The following CIITA variants were observed in gnomAD, a reference collection of about 807,000 sequenced individuals.
The protein encoded by CIITA is MHC class II transactivator.
In CIITA, 72 loss-of-function variants were observed where a neutral mutation model predicts 115.1. The observed-to-expected ratio is 0.63, with a 90% confidence interval of 0.52 to 0.76. The LOEUF (loss-of-function observed/expected upper bound fraction) is 0.76. Ranked by LOEUF, CIITA falls within the 30% of genes least tolerant of loss-of-function variation. CIITA has a pLI of 0.00. For missense variants in CIITA, 1,617 were observed against 1,463.8 expected (o/e 1.10, Z -1.71); for synonymous variants, 763 against 635.6 (o/e 1.20, Z -3.02).
At chr16:10,883,969 T>G (rs1250654310) in intron 1 of CIITA, among the ~76,000 whole-genome samples, 1 of 152,198 alleles carries the variant, frequency 6.6e-6, no homozygotes, top group East Asian at 1.9e-4. Flanking sequence ...ACTGATACAT[T>G]TGTTATAATC....
Position 10,908,998 on chromosome 16 carries a change from C to T in CIITA, c.2658-31C>T, listed in dbSNP as rs375591179. On this transcript the variant is annotated intron_variant, in intron 11 of 19. Transcript: ENST00000324288. ...TTCCATTAAGGTCTAGCCTGGTCAC[C>T]GTGCCTGGGTCTGAGGCCCTCCCTC... 3.3e-5 allele frequency: 54 copies of T among 1,613,752 alleles called. No homozygotes were observed. The South Asian group carries it at 3.4e-4, about 10-fold the overall frequency.
At chr16:10,867,490 G>C (rs1203542322) in intron 1 of CIITA, among the ~76,000 whole-genome samples, 1 of 151,950 alleles carries the variant, frequency 6.6e-6, no homozygotes. Context: ...GGGAGAAAAG[G>C]GAGGGAGAGG....
Position 10,901,384 on chromosome 16 carries a change from G to A in CIITA, c.437-130G>A, listed in dbSNP as rs184151388. ...TGGGGTTGGAATGTTAGAGCGAGGG[G>A]AGGAAAATGGACCCCCAAGACCACT... On this transcript the variant is annotated intron_variant, in intron 5 of 19. Transcript: ENST00000324288. The surrounding 1 kb of genome is among the most constrained non-coding windows in gnomAD (Gnocchi z 6.8). The A allele has an allele frequency of 2.2e-6, 2 of 910,970 alleles. No homozygotes were observed. Among genetic ancestry groups the A allele is most frequent in the African/African-American group, 1.6e-5 (1 of 61,112 alleles). 56.4% of individuals were successfully genotyped at this position (910,970 alleles called of 1,614,324 possible).
At chr16:10,876,183 A>T (rs528204294), upstream of CIITA, among the ~76,000 whole-genome samples, 4 of 151,610 alleles carry the variant, frequency 2.6e-5, no homozygotes, top group East Asian at 3.9e-4. Flanking sequence ...AACAAAAAAA[A>T]CCCCAACAAT....
chr16:10,938,188 T>C (rs948104123), downstream of CIITA: 3 of 152,164 alleles, frequency 2.0e-5, no homozygotes, highest in African/African-American at 7.2e-5. The surrounding 1 kb of genome is among the most constrained non-coding windows in gnomAD (Gnocchi z 4.9). Context: ...ATTTTCATTA[T>C]TTCCATCTTC....
chr16:10,938,749 G>T (rs1219463416), downstream of CIITA: 1 of 152,190 alleles, frequency 6.6e-6, no homozygotes, highest in Non-Finnish European at 1.5e-5. The surrounding 1 kb of genome is among the most constrained non-coding windows in gnomAD (Gnocchi z 4.9). Context: ...ACTTCTCCAG[G>T]CCTCCCCACT....
chr16:10,866,978 G>A (rs117326952), intron 1 of CIITA, among the ~76,000 whole-genome samples: 2,043 of 152,312 alleles, frequency 0.013, 17 homozygotes, highest in Non-Finnish European at 0.021. Flanking sequence ...GGGTGCACTG[G>A]CTCACGCCTG....
At chr16:10,875,642 T>C (rs1480094087), upstream of CIITA, among the ~76,000 whole-genome samples, 2 of 152,236 alleles carry the variant, frequency 1.3e-5, no homozygotes, top group African/African-American at 4.8e-5. Flanking sequence ...AGGGTTTTTT[T>C]TAACCACTCA....
At chr16:10,873,202 G>A (rs77028406), upstream of CIITA, among the ~76,000 whole-genome samples, 1 of 152,086 alleles carries the variant, frequency 6.6e-6, no homozygotes, top group Non-Finnish European at 1.5e-5. Context: ...TCAAACTTCT[G>A]GGCTCAAGCG....
Position 10,929,981 on chromosome 16 carries a change from G to C in CIITA, c.*6126G>C, listed in dbSNP as rs998552947. 1 of 152,350 alleles carries C rather than the reference G, an allele frequency of 6.6e-6. No homozygotes were observed. The allele number at this position is 152,350 out of a possible 1,614,324, so 9.4% of individuals were successfully genotyped here. On this transcript the variant is annotated 3_prime_UTR_variant, in exon 20 of 20. Coordinates refer to ENST00000324288, the MANE Select transcript of CIITA (RefSeq NM_000246.4). The surrounding 1 kb of genome is among the most constrained non-coding windows in gnomAD (Gnocchi z 4.3). ...TTGGCAACACCTTCCACCTTGCCCG[G>C]AAAAATGCTTTGCAACCTACAGGAA...
intron 13 of CIITA, among the ~76,000 whole-genome samples, chr16:10,912,133 G>A (rs976536606): frequency 1.3e-5 from 2 of 151,898 alleles, no homozygotes; most frequent in Non-Finnish European, 2.9e-5. Context: ...TTTTTTTTTG[G>A]AGATGGGGTC....
At chr16:10,905,123 G>T (rs2039049733) in intron 10 of CIITA, among the ~76,000 whole-genome samples, 1 of 152,222 alleles carries the variant, frequency 6.6e-6, no homozygotes, top group Non-Finnish European at 1.5e-5. Flanking sequence ...GAAGTGAGAA[G>T]TTGATGAGGA....
intron 9 of CIITA, 56 bp downstream of exon 9, chr16:10,903,951 A>C (rs2038960148): frequency 1.2e-6 from 2 of 1,609,920 alleles, no homozygotes; most frequent in South Asian, 2.2e-5. Context: ...GGCCCTGGGG[A>C]AGGAATTGTC....
downstream of CIITA, chr16:10,937,452 A>T (rs140108477): frequency 6.6e-6 from 1 of 152,554 alleles, no homozygotes; most frequent in East Asian, 1.9e-4. This position sits in a 1 kb window ranked among gnomAD's most constrained non-coding sequence, Gnocchi z 4.2. Context: ...CCAGGTTAGG[A>T]AGGAGCAGCT....
chr16:10,919,105 G>A (rs2040127949), intron 16 of CIITA, among the ~76,000 whole-genome samples: 2 of 152,144 alleles, frequency 1.3e-5, no homozygotes, highest in Admixed American at 6.5e-5. Context: ...TCTCCTCTTC[G>A]CCAGAGCTCT....
intron 13 of CIITA, among the ~76,000 whole-genome samples, chr16:10,911,224 T>TTTTCTTTCTTTCTTC (rs2039543542): frequency 6.6e-6 from 1 of 152,020 alleles, no homozygotes; most frequent in South Asian, 2.1e-4. Flanking sequence ...CTCTCTTTCT[T>TTTTCTTTCTTTCTTC]TTTCTTTCTT....
At chr16:10,885,795 G>A (rs554475368) in intron 1 of CIITA, among the ~76,000 whole-genome samples, 6 of 152,282 alleles carry the variant, frequency 3.9e-5, no homozygotes, top group African/African-American at 1.2e-4. Flanking sequence ...ACCAGGCTCT[G>A]TGCAGGCCCT....
upstream of CIITA, among the ~76,000 whole-genome samples, chr16:10,876,295 AC>A (rs1465362315): frequency 6.6e-6 from 1 of 152,268 alleles, no homozygotes; most frequent in Non-Finnish European, 1.5e-5. Flanking sequence ...AATTACAGGC[AC>A]AAGCCACCTG....
chr16:10,880,267 G>T (rs1203840737), intron 1 of CIITA, among the ~76,000 whole-genome samples: 1 of 152,110 alleles, frequency 6.6e-6, no homozygotes, highest in Non-Finnish European at 1.5e-5. Context: ...CAGGATGTAG[G>T]TTCCCGGGCT....
Sources: gnomAD v4.1 joint callset for allele counts (sites outside exome capture counted in the v4.1 genomes callset) on GRCh38, gnomAD v4.1.1 for gene constraint, Gnocchi (gnomAD v3.1) non-coding constraint, MANE v1.5 for transcripts, NCBI Gene and HGNC (gene_info 2026-07-23, HGNC 2026-07-21) for gene names.